FUT8: variants seen among roughly 807,000 people sequenced by gnomAD.
FUT8 encodes alpha-(1,6)-fucosyltransferase.
In FUT8, 29 loss-of-function variants were observed where a neutral mutation model predicts 71.3. That is an observed-to-expected ratio of 0.41 (90% confidence interval 0.30 to 0.55). The LOEUF (loss-of-function observed/expected upper bound fraction) is 0.55. Among genes scored for constraint, FUT8 ranks in the 20% least tolerant of loss-of-function variants. The probability of loss-of-function intolerance (pLI) is 0.34; values close to 1 mark genes in which losing one functional copy is unlikely to be tolerated. For synonymous variants in FUT8, 254 were observed against 239.3 expected, an observed-to-expected ratio of 1.06 and a Z score of -0.57; for missense variants, 544 against 702.1, an observed-to-expected ratio of 0.77 and a Z score of 2.55.
chr14:65,624,514 T>C (rs914876184), intron 5 of FUT8, among the ~76,000 whole-genome samples: 1 of 152,262 alleles, frequency 6.6e-6, no homozygotes, highest in African/African-American at 2.4e-5. Flanking sequence ...ACCATGCTAA[T>C]GCTTATATTT....
intron 7 of FUT8, among the ~76,000 whole-genome samples, chr14:65,673,559 A>G (rs557492985): frequency 6.6e-6 from 1 of 152,352 alleles, no homozygotes; most frequent in African/African-American, 2.4e-5. Context: ...TCAACCAGGT[A>G]GGGACATGGT....
chr14:65,729,380 C>G (rs561000790), intron 9 of FUT8, among the ~76,000 whole-genome samples: 1 of 152,182 alleles, frequency 6.6e-6, no homozygotes, highest in East Asian at 1.9e-4. Context: ...CTTATTTGAC[C>G]AACCATTCTT....
chr14:65,406,856 C>T (rs2065090765), upstream of FUT8, among the ~76,000 whole-genome samples: 1 of 152,128 alleles, frequency 6.6e-6, no homozygotes, highest in African/African-American at 2.4e-5. Context: ...GTTTTATAAG[C>T]ATAAAGTCAT....
intron 6 of FUT8, among the ~76,000 whole-genome samples, chr14:65,658,976 C>T (rs557981907): frequency 6.6e-6 from 1 of 152,092 alleles, no homozygotes; most frequent in South Asian, 2.1e-4. Context: ...AATATGTTCT[C>T]CTTGGGGAAA....
rs562197748 is a variant in FUT8 at position 65,460,462 on chromosome 14, C to T, written c.-228+4744C>T. On this transcript the variant is annotated intron_variant, in intron 2 of 10. Coordinates refer to ENST00000673929, the MANE Select transcript of FUT8 (RefSeq NM_001371533.1). ...TTTTCTTGTCCTGTAATGCAACCCA[C>T]AGTATGTGCACTTGGTTTTCCTTTC... 2.0e-5 allele frequency among the ~76,000 whole-genome samples: 3 copies of T among 152,316 alleles called. No homozygotes were observed. In the South Asian group the frequency reaches 6.2e-4, roughly 32 times the overall value.
At chr14:65,555,727 G>A (rs1885552199) in intron 2 of FUT8, among the ~76,000 whole-genome samples, 1 of 152,052 alleles carries the variant, frequency 6.6e-6, no homozygotes, top group Non-Finnish European at 1.5e-5. Flanking sequence ...TTTGACCTTT[G>A]CCCAATATCT....
intron 7 of FUT8, among the ~76,000 whole-genome samples, chr14:65,705,100 G>A (rs1894494772): frequency 6.6e-6 from 1 of 152,084 alleles, no homozygotes; most frequent in Admixed American, 6.5e-5. Flanking sequence ...TATTCAATTG[G>A]TTGGAGGCTT....
intron 7 of FUT8, among the ~76,000 whole-genome samples, chr14:65,677,170 GCA>G (rs1892798012): frequency 1.7e-5 from 2 of 118,842 alleles, no homozygotes; most frequent in Non-Finnish European, 1.7e-5. Flanking sequence ...GCATGCGCGC[GCA>G]CGTATGTGTG....
chr14:65,452,275 C>T (rs1168280778), intron 1 of FUT8, among the ~76,000 whole-genome samples: 5 of 152,096 alleles, frequency 3.3e-5, no homozygotes, highest in Admixed American at 1.3e-4. Flanking sequence ...TACAGTGTTT[C>T]CAGGTAAGAT....
chr14:65,696,635 A>C lies in FUT8; in HGVS notation c.836-25140A>C, dbSNP rs370029791. Among the ~76,000 whole-genome samples, 27 of 152,022 alleles carry C rather than the reference A, an allele frequency of 1.8e-4. No homozygotes were observed. The East Asian group carries it at 5.2e-3, about 29-fold the overall frequency. ...TTGTGTCTCTCATTAATTTTGGAAA[A>C]TTCTCAGGCATTATTATTTCAGTAA... On this transcript the variant is annotated intron_variant, in intron 7 of 10. Transcript: ENST00000673929.
At chr14:65,512,907 CAAAAAAA>C (rs35280167) in intron 2 of FUT8, among the ~76,000 whole-genome samples, 56 of 83,984 alleles carry the variant, frequency 6.7e-4, no homozygotes, top group African/African-American at 1.9e-3. Flanking sequence ...GACTCTGTCT[CAAAAAAA>C]AAAAAAAAAA....
At chr14:65,526,757 G>T (rs1299387494) in intron 2 of FUT8, among the ~76,000 whole-genome samples, 2 of 152,134 alleles carry the variant, frequency 1.3e-5, no homozygotes, top group Non-Finnish European at 2.9e-5. Context: ...GGGCAGGCCT[G>T]GTGGTGACAG....
intron 9 of FUT8, among the ~76,000 whole-genome samples, chr14:65,725,527 T>C (rs1266259190): frequency 6.6e-6 from 1 of 152,138 alleles, no homozygotes; most frequent in African/African-American, 2.4e-5. Flanking sequence ...GAGAAGAAAA[T>C]TCTAGTCTTA....
In FUT8 at chr14:65,483,514, A is replaced by G. The variant is rs1376076422; in HGVS notation, c.-228+27796A>G. ...ATTTGATTGGAATTGCATCGAATCTATAGATGAATTTGAGGGACAGTTGAC... is the reference window on the plus strand; with the variant it reads ...ATTTGATTGGAATTGCATCGAATCTGTAGATGAATTTGAGGGACAGTTGAC... On this transcript the variant is annotated intron_variant, in intron 2 of 10. Coordinates refer to ENST00000673929, the MANE Select transcript of FUT8 (RefSeq NM_001371533.1). This position sits in a 1 kb window ranked among gnomAD's most constrained non-coding sequence, Gnocchi z 4.4. 1.3e-5 allele frequency among the ~76,000 whole-genome samples: 2 copies of G among 152,220 alleles called. No homozygotes were observed. The highest frequency in any genetic ancestry group is 2.9e-5 in the Non-Finnish European group (2 of 68,026).
chr14:65,661,122 C>T (rs1367595894), intron 6 of FUT8, among the ~76,000 whole-genome samples: 1 of 152,106 alleles, frequency 6.6e-6, no homozygotes, highest in Non-Finnish European at 1.5e-5. Flanking sequence ...CTATCTTTGA[C>T]TTAACTCCTT....
chr14:65,366,497 T>C, the FUT8 span, among the ~76,000 whole-genome samples: 1 of 152,202 alleles, frequency 6.6e-6, no homozygotes, highest in East Asian at 1.9e-4. Context: ...TTGATCACAA[T>C]GACATTATAT....
chr14:65,561,640 G>C lies in FUT8; in HGVS notation c.77G>C (p.Gly26Ala). ...TGGGGGACCTTGCTGTTTTATATAGGTGGTCACTTGGTACGAGATAATGAC... is the reference window on the plus strand; with the variant it reads ...TGGGGGACCTTGCTGTTTTATATAGCTGGTCACTTGGTACGAGATAATGAC... ...FAWGTLLFYI[G>A]GHLVRDNDHP... Residue 26 changes from glycine (G) to alanine (A), a missense_variant, in exon 3 of 11, where the codon GGT becomes GCT. Coordinates refer to ENST00000673929, the MANE Select transcript of FUT8 (RefSeq NM_001371533.1). 1 of 1,613,530 alleles carries C rather than the reference G, an allele frequency of 6.2e-7. No homozygotes were observed. The highest frequency in any genetic ancestry group is 8.5e-7 in the Non-Finnish European group (1 of 1,179,584).
At chr14:65,369,748 C>T in the FUT8 span, among the ~76,000 whole-genome samples, 3 of 152,194 alleles carry the variant, frequency 2.0e-5, no homozygotes, top group Non-Finnish European at 4.4e-5. This position sits in a 1 kb window ranked among gnomAD's most constrained non-coding sequence, Gnocchi z 4.6. Context: ...ACCCTTAGTT[C>T]CAGGAAGTGC....
rs1219433827 is a variant in FUT8, at chr14:65,565,235, A to G, written c.203+3469A>G. Among the ~76,000 whole-genome samples the G allele has an allele frequency of 2.5e-4, 38 of 151,906 alleles. 1 individual carries two copies. The highest frequency in any genetic ancestry group is 2.9e-5 in the Non-Finnish European group (2 of 67,932). ...AGAACTCAGTCATCTCTGAAGGAGG[A>G]GCATTAATTTATTCATGAGGGATCT... On this transcript the variant is annotated intron_variant, in intron 3 of 10. Coordinates refer to ENST00000673929, the MANE Select transcript of FUT8 (RefSeq NM_001371533.1).
Sources: allele counts gnomAD v4.1 joint callset (sites outside exome capture counted in the v4.1 genomes callset), GRCh38; gene constraint gnomAD v4.1.1; non-coding constraint Gnocchi (gnomAD v3.1); transcripts MANE v1.5; gene names NCBI Gene and HGNC (gene_info 2026-07-23, HGNC 2026-07-21).